USP26: variants seen among roughly 807,000 people sequenced by gnomAD.
The protein encoded by USP26 is ubiquitin carboxyl-terminal hydrolase 26.
For synonymous variants in USP26, 236 were observed against 240.6 expected (o/e 0.98, Z 0.18); for missense variants, 649 against 642.3 (o/e 1.01, Z -0.11).
rs1223492602 is a variant in USP26, at chrX:133,024,923, C to T, written c.*556G>A. On this transcript the variant is annotated 3_prime_UTR_variant, in exon 6 of 6. Transcript: ENST00000511190. Reference sequence around the variant, plus strand: ...TGGTGCTGCTAGTTTAAGGAGCATACTTTTTAAACCACTGTATTAGAACAT... The same window carrying T: ...TGGTGCTGCTAGTTTAAGGAGCATATTTTTTAAACCACTGTATTAGAACAT... 2.7e-5 allele frequency: 3 copies of T among 110,315 alleles called. No homozygotes were observed. The highest frequency in any genetic ancestry group is 1.0e-4 in the African/African-American group (3 of 29,557). The allele number at this position is 110,315 out of a possible 1,213,427, so 9.1% of individuals were successfully genotyped here. A position where few individuals can be genotyped will look rare whatever the true frequency, so the allele number is the denominator to read the frequency against.
chrX:133,087,260 G>T (rs1274221278), intron 4 of USP26, among the ~76,000 whole-genome samples: 1 of 111,824 alleles, frequency 8.9e-6, no homozygotes, highest in African/African-American at 3.2e-5. Context: ...ATTAAGTGAG[G>T]ACTTACTGTA....
intron 1 of USP26, among the ~76,000 whole-genome samples, chrX:133,092,116 A>G: frequency 8.9e-6 from 1 of 112,041 alleles, no homozygotes; most frequent in Non-Finnish European, 1.9e-5. Context: ...AACATAATAT[A>G]ATAGGAACTG....
chrX:133,069,247 GAGA>G (rs1315930543), intron 5 of USP26, among the ~76,000 whole-genome samples: 1 of 112,035 alleles, frequency 8.9e-6, no homozygotes, highest in Admixed American at 9.5e-5. Context: ...GGCATTCCAA[GAGA>G]AGGAGAAGGT....
chrX:133,093,492 C>G (rs2067614849), intron 1 of USP26, among the ~76,000 whole-genome samples: 1 of 109,813 alleles, frequency 9.1e-6, no homozygotes, highest in African/African-American at 3.3e-5. Context: ...ATTAGCCAGG[C>G]ATGGTGGCAC....
At chrX:133,085,490 C>G (rs1249515562) in intron 4 of USP26, among the ~76,000 whole-genome samples, 14 of 111,687 alleles carry the variant, frequency 1.3e-4, no homozygotes. Context: ...TGGTCTGCAT[C>G]AAGCCAAATG....
intron 5 of USP26, among the ~76,000 whole-genome samples, chrX:133,062,831 A>T (rs1025257802): frequency 1.8e-5 from 2 of 111,427 alleles, no homozygotes; most frequent in African/African-American, 6.5e-5. Flanking sequence ...TCTCCACATG[A>T]TCACAACTCT....
intron 5 of USP26, among the ~76,000 whole-genome samples, chrX:133,083,142 G>A (rs1162164539): frequency 1.8e-5 from 2 of 111,979 alleles, no homozygotes; most frequent in Non-Finnish European, 3.8e-5. Flanking sequence ...GCGAGGAGCA[G>A]ACTCAGATGG....
chrX:133,087,251 TTAAG>T (rs1026619335), intron 4 of USP26, among the ~76,000 whole-genome samples: 14 of 112,119 alleles, frequency 1.2e-4, no homozygotes, highest in Non-Finnish European at 2.3e-4. Context: ...ATTGAAGACA[TTAAG>T]TGAGGACTTA....
intron 4 of USP26, among the ~76,000 whole-genome samples, chrX:133,084,060 C>G (rs1226659637): frequency 8.9e-6 from 1 of 111,805 alleles, no homozygotes; most frequent in Non-Finnish European, 1.9e-5. Flanking sequence ...TGAGGCTCTC[C>G]TGAAGTACTT....
At chrX:133,082,475 C>A (rs1010627138) in intron 5 of USP26, among the ~76,000 whole-genome samples, 1 of 111,854 alleles carries the variant, frequency 8.9e-6, no homozygotes, top group Admixed American at 9.6e-5. Context: ...AATCACACAA[C>A]CACATGTTGT....
At chrX:133,064,822 A>G (rs1257069455) in intron 5 of USP26, among the ~76,000 whole-genome samples, 1 of 111,757 alleles carries the variant, frequency 8.9e-6, no homozygotes, top group East Asian at 2.8e-4. Flanking sequence ...AAAGACCCAG[A>G]GAAGCAAGAG....
At chrX:133,045,082 T>G (rs1003120850) in intron 5 of USP26, among the ~76,000 whole-genome samples, 7 of 111,937 alleles carry the variant, frequency 6.3e-5, no homozygotes, top group Non-Finnish European at 1.3e-4. Flanking sequence ...TGTGTCTAGC[T>G]GATCTGGTGG....
At chrX:133,061,082 G>C (rs991968283) in intron 5 of USP26, among the ~76,000 whole-genome samples, 2 of 111,516 alleles carry the variant, frequency 1.8e-5, no homozygotes, top group African/African-American at 6.5e-5. Context: ...CAATCCCCCA[G>C]AGATACCAAA....
intron 5 of USP26, among the ~76,000 whole-genome samples, chrX:133,069,679 T>C (rs983251684): frequency 5.4e-5 from 6 of 111,122 alleles, no homozygotes; most frequent in Non-Finnish European, 3.8e-5. Flanking sequence ...GGCTTATGGG[T>C]TTGAACTTCG....
At chrX:133,035,121 T>G (rs2067391642) in intron 5 of USP26, among the ~76,000 whole-genome samples, 1 of 111,462 alleles carries the variant, frequency 9.0e-6, no homozygotes, top group South Asian at 3.8e-4. Context: ...AAAACACTGG[T>G]GCCTGACTGA....
In USP26 at chrX:133,025,219, T is replaced by C; in HGVS notation, c.*260A>G. ...GGATGACAGAGCAAGACCCTGACTA[T>C]ATTAAAATGAAGAAGAACATGAAAA... On this transcript the variant is annotated 3_prime_UTR_variant, in exon 6 of 6. Transcript: ENST00000511190. The C allele has an allele frequency of 2.6e-6, 1 of 386,572 alleles. No individual in the cohort carries two copies. The allele number at this position is 386,572 out of a possible 1,213,427, so 31.9% of individuals were successfully genotyped here. A position where few individuals can be genotyped will look rare whatever the true frequency, so the allele number is the denominator to read the frequency against.
intron 5 of USP26, among the ~76,000 whole-genome samples, chrX:133,082,163 A>T (rs751735373): frequency 1.2e-3 from 138 of 111,714 alleles, no homozygotes; most frequent in Non-Finnish European, 2.0e-3. Flanking sequence ...ATCACCTTTC[A>T]CATCAAAGGC....
chrX:133,087,544 T>A (rs1318395522), intron 4 of USP26, among the ~76,000 whole-genome samples: 1 of 112,060 alleles, frequency 8.9e-6, no homozygotes, highest in African/African-American at 3.2e-5. Flanking sequence ...AAATGCCACA[T>A]ATCAGGTTTT....
At chrX:133,033,409 G>A (rs2067385128) in intron 5 of USP26, among the ~76,000 whole-genome samples, 1 of 112,150 alleles carries the variant, frequency 8.9e-6, no homozygotes, top group Non-Finnish European at 1.9e-5. Flanking sequence ...GACCAAAATG[G>A]GAAGAATTCT....
Sources: allele counts gnomAD v4.1 joint callset (sites outside exome capture counted in the v4.1 genomes callset), GRCh38; gene constraint gnomAD v4.1.1; transcripts MANE v1.5; gene names NCBI Gene and HGNC (gene_info 2026-07-23, HGNC 2026-07-21).